Variants in AFG2A observed in about 807,000 individuals in gnomAD.
AFG2A encodes the protein AAA ATPase AFG2A.
chr4:123,256,870 A>G, the AFG2A span: 2 of 982,014 alleles, frequency 2.0e-6, no homozygotes, highest in Non-Finnish European at 2.4e-6. Flanking sequence ...AAATTCCATG[A>G]AATAATTCTG....
the AFG2A span, among the ~76,000 whole-genome samples, chr4:123,062,842 A>T: frequency 1.4e-4 from 22 of 152,208 alleles, no homozygotes; most frequent in Non-Finnish European, 7.4e-5. Flanking sequence ...AATAAATTCT[A>T]TGCAATTTGT....
the AFG2A span, among the ~76,000 whole-genome samples, chr4:123,046,591 G>A: frequency 6.6e-6 from 1 of 152,138 alleles, no homozygotes; most frequent in East Asian, 1.9e-4. Flanking sequence ...ATCAAATTGG[G>A]ATAATTGGAG....
chr4:123,010,738 G>A, the AFG2A span, among the ~76,000 whole-genome samples: 1 of 152,144 alleles, frequency 6.6e-6, no homozygotes, highest in South Asian at 2.1e-4. Context: ...AACCACGTAG[G>A]CTTGCTTACT....
the AFG2A span, chr4:123,256,984 TA>T: frequency 5.1e-6 from 2 of 389,366 alleles, no homozygotes; most frequent in Admixed American, 6.4e-5. Context: ...GGGAGATTAA[TA>T]TTTTTTTAAG....
the AFG2A span, chr4:123,056,376 T>G: frequency 1.2e-6 from 2 of 1,608,950 alleles, no homozygotes; most frequent in Non-Finnish European, 1.7e-6. Context: ...AGTTGTTTTC[T>G]TTTCATGCAG....
At chr4:122,944,341 A>G in the AFG2A span, among the ~76,000 whole-genome samples, 2 of 151,658 alleles carry the variant, frequency 1.3e-5, no homozygotes, top group African/African-American at 4.9e-5. Context: ...GTTTCTTTTT[A>G]TTCTTTTTTC....
chr4:122,995,412 A>C, the AFG2A span, among the ~76,000 whole-genome samples: 4 of 152,234 alleles, frequency 2.6e-5, no homozygotes, highest in Admixed American at 2.6e-4. Flanking sequence ...TTATAGTTTT[A>C]AGTAATAGCA....
chr4:123,197,700 G>T, the AFG2A span, among the ~76,000 whole-genome samples: 1 of 151,826 alleles, frequency 6.6e-6, no homozygotes, highest in Admixed American at 6.6e-5. Flanking sequence ...CCCGGGAGGC[G>T]GAGGTTGCAG....
the AFG2A span, among the ~76,000 whole-genome samples, chr4:123,243,562 G>T: frequency 7.9e-5 from 12 of 151,992 alleles, no homozygotes; most frequent in Admixed American, 2.0e-4. Context: ...ACACTTGGAC[G>T]CAGGGCAGGG....
chr4:123,130,713 A>G, the AFG2A span, among the ~76,000 whole-genome samples: 1 of 152,212 alleles, frequency 6.6e-6, no homozygotes, highest in South Asian at 2.1e-4. Context: ...AGAATGTTGC[A>G]GTACACATTC....
the AFG2A span, among the ~76,000 whole-genome samples, chr4:123,033,339 T>A: frequency 6.6e-6 from 1 of 152,036 alleles, no homozygotes; most frequent in South Asian, 2.1e-4. Context: ...CTCTTCCATT[T>A]CCCTTTTTGT....
At chr4:122,964,316 C>T in the AFG2A span, among the ~76,000 whole-genome samples, 1 of 151,860 alleles carries the variant, frequency 6.6e-6, no homozygotes, top group African/African-American at 2.4e-5. Flanking sequence ...CCAGTGTGGC[C>T]AACATGGTGA....
At chr4:122,923,304 G>C in the AFG2A span, 1 of 1,613,692 alleles carries the variant, frequency 6.2e-7, no homozygotes, top group Non-Finnish European at 8.5e-7. Context: ...TATTAGAAAA[G>C]GGTAAAGAAT....
At chr4:123,188,641 G>A in the AFG2A span, among the ~76,000 whole-genome samples, 1 of 151,944 alleles carries the variant, frequency 6.6e-6, no homozygotes, top group Non-Finnish European at 1.5e-5. Flanking sequence ...TTCTTTCCTT[G>A]AGATGTACTG....
the AFG2A span, chr4:122,923,175 C>A: frequency 6.2e-7 from 1 of 1,614,222 alleles, no homozygotes; most frequent in Middle Eastern, 1.6e-4. Context: ...AGCGGTTGAA[C>A]CAAAGCGCGG....
chr4:122,976,405 T>C, the AFG2A span, among the ~76,000 whole-genome samples: 3 of 152,266 alleles, frequency 2.0e-5, no homozygotes, highest in South Asian at 4.1e-4. Flanking sequence ...ATCTAACTTC[T>C]CAAGTCAGCA....
At chr4:123,260,911 G>C in the AFG2A span, among the ~76,000 whole-genome samples, 1 of 152,220 alleles carries the variant, frequency 6.6e-6, no homozygotes, top group Non-Finnish European at 1.5e-5. Context: ...CATAGCATGA[G>C]TGAGTGGCAG....
chr4:123,215,443 G>C, the AFG2A span, among the ~76,000 whole-genome samples: 1 of 152,034 alleles, frequency 6.6e-6, no homozygotes, highest in East Asian at 1.9e-4. Flanking sequence ...GAATGTTTGA[G>C]CTAAAGGAAA....
the AFG2A span, among the ~76,000 whole-genome samples, chr4:123,014,289 A>C: frequency 6.6e-6 from 1 of 152,204 alleles, no homozygotes; most frequent in African/African-American, 2.4e-5. Context: ...AAATTAGAAA[A>C]AGCAAAATAT....
Sources: gnomAD v4.1 joint callset for allele counts (sites outside exome capture counted in the v4.1 genomes callset) on GRCh38, gnomAD v4.1.1 for gene constraint, MANE v1.5 for transcripts, NCBI Gene and HGNC (gene_info 2026-07-23, HGNC 2026-07-21) for gene names.